Variants in UBAC1 observed in about 807,000 individuals in gnomAD.
UBAC1 encodes the protein UBA domain containing 1, also known as ubiquitin-associated domain-containing protein 1.
A neutral mutation model predicts 45.9 loss-of-function variants in UBAC1; 27 were observed. That is an observed-to-expected ratio of 0.59 (90% confidence interval 0.43 to 0.81). The LOEUF is 0.81. UBAC1 is among the 30% of genes least tolerant of loss of function. The pLI, the probability that UBAC1 is intolerant of heterozygous loss-of-function variation, is 0.00. For missense variants in UBAC1, 529 were observed against 539.2 expected (o/e 0.98, Z 0.19); for synonymous variants, 227 against 215.5 (o/e 1.05, Z -0.47).
In UBAC1 at chr9:135,945,526, G is replaced by A. The variant is rs528638089; in HGVS notation, c.654-276C>T. 12 of 509,678 alleles carry A rather than the reference G, an allele frequency of 2.4e-5. No homozygotes were observed. The East Asian group carries it at 3.5e-4, about 15-fold the overall frequency. The allele number at this position is 509,678 out of a possible 1,614,324, so 31.6% of individuals were successfully genotyped here. A position where few individuals can be genotyped will look rare whatever the true frequency, so the allele number is the denominator to read the frequency against. On this transcript the variant is annotated intron_variant, in intron 6 of 9. Coordinates refer to ENST00000371756, the MANE Select transcript of UBAC1 (RefSeq NM_016172.3). ...CTGAGGGCTTAGATAGGGACCACAG[G>A]GGGAACTGCCCCCGGCTGCCCCTGG...
intron 5 of UBAC1, 50 bp downstream of exon 5, chr9:135,946,215 CCCCA>C: frequency 7.6e-7 from 1 of 1,324,002 alleles, no homozygotes; most frequent in South Asian, 1.2e-5. Context: ...TGCAGACGCT[CCCCA>C]AGGCCGGCAG....
chr9:135,956,054 G>A (rs1038133984), intron 1 of UBAC1, among the ~76,000 whole-genome samples: 3 of 152,178 alleles, frequency 2.0e-5, no homozygotes, highest in Admixed American at 6.5e-5. Flanking sequence ...GGACCAATGG[G>A]CACGCAGTCA....
chr9:135,940,771 G>A (rs1839261193), intron 7 of UBAC1, among the ~76,000 whole-genome samples: 1 of 152,056 alleles, frequency 6.6e-6, no homozygotes, highest in Non-Finnish European at 1.5e-5. Context: ...GGTCCATTTT[G>A]AAAAAATATA....
At chr9:135,956,591 G>C (rs1028415478) in intron 1 of UBAC1, among the ~76,000 whole-genome samples, 4 of 151,726 alleles carry the variant, frequency 2.6e-5, no homozygotes, top group Non-Finnish European at 5.9e-5. Flanking sequence ...CGACAGCACA[G>C]CACAGCACAC....
Position 135,933,425 on chromosome 9 carries a change from A to G in UBAC1, c.1193T>C (p.Ile398Thr), listed in dbSNP as rs769872373. ...TGPVMLQISRIFQTLNRT is the reference protein window; with the variant it reads ...TGPVMLQISRTFQTLNRT ...CTACGTGCGATTTAGTGTCTGGAAG[A>G]TTCTAGAGATCTGCAGCATGACAGG... Residue 398 changes from isoleucine to threonine, a missense_variant, in exon 10 of 10, where the codon ATC becomes ACC. Ile to Thr is a moderately conservative substitution (Grantham distance 89). Transcript: ENST00000371756. 4.3e-6 allele frequency: 7 copies of G among 1,614,134 alleles called. No homozygotes were observed. The South Asian group carries it at 7.7e-5, about 18-fold the overall frequency.
chr9:135,937,996 G>A (rs531600118), intron 9 of UBAC1, among the ~76,000 whole-genome samples: 10 of 152,292 alleles, frequency 6.6e-5, no homozygotes, highest in East Asian at 5.8e-4. Flanking sequence ...CAGGGTCATC[G>A]CGCAGGAGAC....
At chr9:135,943,716 C>T (rs980429789) in intron 7 of UBAC1, among the ~76,000 whole-genome samples, 2 of 151,936 alleles carry the variant, frequency 1.3e-5, no homozygotes, top group African/African-American at 2.4e-5. Context: ...CAAATGCCCA[C>T]GGATAAGAAA....
At position 135,939,876 on chromosome 9, in the gene UBAC1, T is replaced by C. The variant is rs543842464; in HGVS notation, c.877-117A>G. The C allele has an allele frequency of 1.1e-4, 87 of 769,494 alleles. No homozygotes were observed. In the East Asian group the frequency reaches 2.1e-3, roughly 19 times the overall value. 47.7% of individuals were successfully genotyped at this position (769,494 alleles called of 1,614,324 possible). On this transcript the variant is annotated intron_variant, in intron 7 of 9. Coordinates refer to ENST00000371756, the MANE Select transcript of UBAC1 (RefSeq NM_016172.3). Reference sequence around the variant, plus strand: ...TAGCGGAGGGTGCTCCCAACAGCACTGAGGACGCTGTCCGTCCACGTTCTT... The same window carrying C: ...TAGCGGAGGGTGCTCCCAACAGCACCGAGGACGCTGTCCGTCCACGTTCTT...
At chr9:135,938,409 CG>C in intron 8 of UBAC1, 49 bp from the exon 9 acceptor site, 1 of 1,588,396 alleles carries the variant, frequency 6.3e-7, no homozygotes, top group Non-Finnish European at 8.5e-7. Context: ...TCAGTGCCTC[CG>C]CAAGACGCCA....
At chr9:135,946,399 C>A (rs2131087572) in intron 4 of UBAC1, 28 bp from the exon 5 acceptor site, 1 of 1,433,822 alleles carries the variant, frequency 7.0e-7, no homozygotes, top group Non-Finnish European at 9.8e-7. Flanking sequence ...GAGATCAATT[C>A]TCTAAATGTC....
At chr9:135,958,857 T>C (rs1839498350) in intron 1 of UBAC1, among the ~76,000 whole-genome samples, 1 of 152,178 alleles carries the variant, frequency 6.6e-6, no homozygotes, top group African/African-American at 2.4e-5. Flanking sequence ...GCTCTTGCGG[T>C]GTGAAAATCC....
At chr9:135,954,309 G>A (rs1230578162) in intron 2 of UBAC1, among the ~76,000 whole-genome samples, 1 of 152,084 alleles carries the variant, frequency 6.6e-6, no homozygotes, top group Non-Finnish European at 1.5e-5. Context: ...GTTGCGCATG[G>A]TGGCACATGC....
chr9:135,943,265 CAA>C (rs1359810874), intron 7 of UBAC1, among the ~76,000 whole-genome samples: 2 of 152,046 alleles, frequency 1.3e-5, no homozygotes. Context: ...ACTAAAAGTA[CAA>C]AAATTAGCTG....
chr9:135,960,952 G>A, intron 1 of UBAC1, 73 bp downstream of exon 1: 7 of 1,361,518 alleles, frequency 5.1e-6, no homozygotes, highest in East Asian at 3.1e-5. Flanking sequence ...GGCGGTTCGG[G>A]GACTGAGGCG....
chr9:135,961,168 C>T lies in UBAC1; in HGVS notation c.-6G>A, dbSNP rs761855076. 9.7e-6 allele frequency: 15 copies of T among 1,542,016 alleles called. No homozygotes were observed. In the Admixed American group the frequency reaches 2.5e-4, roughly 26 times the overall value. ...TTCTCCTCCTGCACGAACATCCCGC[C>T]GCCGCCGCAGGGGCCTGCGCCCGCC... is the stretch of plus-strand genomic sequence containing the variant. On this transcript the variant is annotated 5_prime_UTR_variant, in exon 1 of 10. Transcript: ENST00000371756.
At chr9:135,934,666 T>A (rs1839183711) in intron 9 of UBAC1, among the ~76,000 whole-genome samples, 1 of 151,754 alleles carries the variant, frequency 6.6e-6, no homozygotes, top group South Asian at 2.1e-4. Context: ...TCTCAAAAAA[T>A]AAAAATAAAA....
chr9:135,958,635 C>A (rs966016933), intron 1 of UBAC1, among the ~76,000 whole-genome samples: 4 of 152,230 alleles, frequency 2.6e-5, no homozygotes, highest in African/African-American at 4.8e-5. Flanking sequence ...GGGGACCTGG[C>A]GAGGAGGAAC....
intron 3 of UBAC1, among the ~76,000 whole-genome samples, chr9:135,950,063 G>A (rs890899727): frequency 5.9e-5 from 9 of 152,162 alleles, no homozygotes; most frequent in South Asian, 2.1e-4. Context: ...GCCAACCGCC[G>A]GAAGACCTCA....
At chr9:135,948,646 C>T (rs1214638417) in intron 3 of UBAC1, among the ~76,000 whole-genome samples, 2 of 152,244 alleles carry the variant, frequency 1.3e-5, no homozygotes, top group Admixed American at 6.5e-5. Flanking sequence ...CACCCCAGCA[C>T]CCTCCACAGG....
Sources: gnomAD v4.1 joint callset for allele counts (sites outside exome capture counted in the v4.1 genomes callset) on GRCh38, gnomAD v4.1.1 for gene constraint, MANE v1.5 for transcripts, NCBI Gene and HGNC (gene_info 2026-07-23, HGNC 2026-07-21) for gene names.